Variants in OR9Q1 observed in about 807,000 individuals in gnomAD.
The protein encoded by OR9Q1 is olfactory receptor family 9 subfamily Q member 1, also known as olfactory receptor 9Q1.
For synonymous variants in OR9Q1, 153 were observed against 148.6 expected (o/e 1.03, Z -0.22); for missense variants, 374 against 378.8 (o/e 0.99, Z 0.11).
At chr11:58,033,452 A>G (rs1319539571) in intron 1 of OR9Q1, among the ~76,000 whole-genome samples, 2 of 152,278 alleles carry the variant, frequency 1.3e-5, no homozygotes, top group Non-Finnish European at 2.9e-5. Flanking sequence ...TATTATATGC[A>G]GCAACATGGA....
chr11:58,102,716 A>T (rs1486546189), intron 2 of OR9Q1, among the ~76,000 whole-genome samples: 1 of 152,072 alleles, frequency 6.6e-6, no homozygotes, highest in African/African-American at 2.4e-5. Flanking sequence ...GACTTTTTAA[A>T]GTTTCACTAA....
At chr11:58,087,301 A>T (rs1464306759) in intron 2 of OR9Q1, among the ~76,000 whole-genome samples, 7 of 151,600 alleles carry the variant, frequency 4.6e-5, no homozygotes, top group African/African-American at 1.7e-4. Context: ...GCACCCTTCC[A>T]CTGATTATTC....
intron 2 of OR9Q1, among the ~76,000 whole-genome samples, chr11:58,127,777 A>G (rs1179897587): frequency 6.6e-6 from 1 of 152,166 alleles, no homozygotes; most frequent in Non-Finnish European, 1.5e-5. Flanking sequence ...ATGCCACTGA[A>G]TGAGTGAAAA....
At chr11:58,034,232 C>A (rs1461569703) in intron 1 of OR9Q1, among the ~76,000 whole-genome samples, 1 of 151,664 alleles carries the variant, frequency 6.6e-6, no homozygotes, top group Non-Finnish European at 1.5e-5. Flanking sequence ...ACTACAGGGG[C>A]CCGCCACCAT....
intron 2 of OR9Q1, among the ~76,000 whole-genome samples, chr11:58,156,241 G>C (rs777033746): frequency 2.0e-5 from 3 of 152,000 alleles, no homozygotes; most frequent in Admixed American, 6.6e-5. Flanking sequence ...TGCATTTCTT[G>C]ATGCTTCATC....
chr11:58,110,673 A>G (rs1457302204), intron 2 of OR9Q1, among the ~76,000 whole-genome samples: 1 of 152,230 alleles, frequency 6.6e-6, no homozygotes, highest in Admixed American at 6.5e-5. Context: ...TTGTTTTGCT[A>G]TCCTACACTG....
At chr11:58,112,824 T>C (rs1388626191) in intron 2 of OR9Q1, among the ~76,000 whole-genome samples, 1 of 152,182 alleles carries the variant, frequency 6.6e-6, no homozygotes, top group African/African-American at 2.4e-5. Flanking sequence ...CTGAGTGACT[T>C]GTTTTTCCAG....
At chr11:58,033,397 T>C (rs1358294406) in intron 1 of OR9Q1, among the ~76,000 whole-genome samples, 1 of 152,180 alleles carries the variant, frequency 6.6e-6, no homozygotes. Flanking sequence ...ATGCAATACA[T>C]ATACACCATG....
intron 1 of OR9Q1, among the ~76,000 whole-genome samples, chr11:58,047,877 C>A (rs956955994): frequency 3.3e-5 from 5 of 152,068 alleles, no homozygotes; most frequent in Admixed American, 2.6e-4. Context: ...AGAGAGACTC[C>A]GTCTCACATT....
At chr11:58,124,564 G>A (rs1426184040) in intron 2 of OR9Q1, 1 of 152,140 alleles carries the variant, frequency 6.6e-6, no homozygotes, top group Non-Finnish European at 1.5e-5. Flanking sequence ...TTGAAATATT[G>A]TTGTTAACAT....
chr11:58,094,618 C>T (rs1170934246), intron 2 of OR9Q1, among the ~76,000 whole-genome samples: 1 of 152,162 alleles, frequency 6.6e-6, no homozygotes, highest in Non-Finnish European at 1.5e-5. Flanking sequence ...AAATGATTTT[C>T]TGTTTGAAAC....
chr11:58,158,919 A>G (rs1266176323), intron 2 of OR9Q1, among the ~76,000 whole-genome samples: 5 of 151,956 alleles, frequency 3.3e-5, no homozygotes, highest in Admixed American at 3.3e-4. Context: ...AGGAAGGAAC[A>G]CTCCCTAGGT....
chr11:58,084,404 A>C lies in OR9Q1; in HGVS notation c.-15+28457A>C, dbSNP rs1853616313. Among the ~76,000 whole-genome samples the C allele has an allele frequency of 1.3e-5, 2 of 151,870 alleles. 1 individual carries two copies. Among genetic ancestry groups the C allele is most frequent in the Admixed American group, 1.3e-4 (2 of 15,234 alleles). ...CCAATCCTGCTGAAGCTATTCTAAA[A>C]AATTGAGGAGGAGGGACTCCTCCAT... On this transcript the variant is annotated intron_variant, in intron 2 of 2. Transcript: ENST00000335397.
intron 2 of OR9Q1, among the ~76,000 whole-genome samples, chr11:58,152,694 A>C (rs2119899229): frequency 6.6e-6 from 1 of 152,310 alleles, no homozygotes; most frequent in African/African-American, 2.4e-5. Context: ...AGGCTCCAAA[A>C]ATGTTAAAAT....
chr11:58,130,857 C>T (rs1854134366), intron 2 of OR9Q1, among the ~76,000 whole-genome samples: 1 of 151,336 alleles, frequency 6.6e-6, no homozygotes, highest in Admixed American at 6.6e-5. Context: ...GGAAATTACT[C>T]CTAGGGTAAA....
At chr11:58,026,045 G>T (rs913935268) in intron 1 of OR9Q1, among the ~76,000 whole-genome samples, 23 of 152,112 alleles carry the variant, frequency 1.5e-4, no homozygotes, top group African/African-American at 5.6e-4. Flanking sequence ...CCCCTACTTT[G>T]TTCTACCAGA....
At chr11:58,133,381 C>A (rs1419377552) in intron 2 of OR9Q1, among the ~76,000 whole-genome samples, 2 of 152,156 alleles carry the variant, frequency 1.3e-5, no homozygotes, top group Non-Finnish European at 2.9e-5. Flanking sequence ...GATGGTGTAA[C>A]CAGAGTCCAG....
Position 58,102,744 on chromosome 11 carries a change from A to T in OR9Q1, c.-15+46797A>T, listed in dbSNP as rs183505319. Among the ~76,000 whole-genome samples the T allele has an allele frequency of 2.6e-5, 4 of 152,138 alleles. No individual in the cohort carries two copies. In the East Asian group the frequency reaches 7.7e-4, roughly 29 times the overall value. On this transcript the variant is annotated intron_variant, in intron 2 of 2. Transcript: ENST00000335397. ...TTCACTAAAATGTGCTCCAGAGAGG[A>T]TCGGTTGGGTTGAATTTATTTAGGG... is the stretch of plus-strand genomic sequence containing the variant.
At chr11:58,164,993 T>C (rs974522558) in intron 2 of OR9Q1, among the ~76,000 whole-genome samples, 1 of 152,360 alleles carries the variant, frequency 6.6e-6, no homozygotes, top group South Asian at 2.1e-4. Context: ...CTTTCTCTGA[T>C]AACCCTATTG....
Sources: gnomAD v4.1 joint callset for allele counts (sites outside exome capture counted in the v4.1 genomes callset) on GRCh38, gnomAD v4.1.1 for gene constraint, MANE v1.5 for transcripts, NCBI Gene and HGNC (gene_info 2026-07-23, HGNC 2026-07-21) for gene names.